Variants in NSUN6 observed in about 807,000 individuals in gnomAD.
The protein encoded by NSUN6 is NOP2/Sun RNA methyltransferase 6.
In NSUN6, 64 loss-of-function variants were observed where a neutral mutation model predicts 58.0. The observed-to-expected ratio is 1.10, with a 90% CI of 0.90 to 1.36. The LOEUF (loss-of-function observed/expected upper bound fraction) is 1.36. Ranked by LOEUF, NSUN6 falls within the 40% of genes most tolerant of loss-of-function variation. The pLI is 0.00. For synonymous variants in NSUN6, 231 were observed against 193.9 expected, an observed-to-expected ratio of 1.19 and a Z score of -1.59; for missense variants, 701 against 550.1, an observed-to-expected ratio of 1.27 and a Z score of -2.74.
intron 10 of NSUN6, among the ~76,000 whole-genome samples, chr10:18,546,696 G>C (rs1264867199): frequency 6.6e-6 from 1 of 152,014 alleles, no homozygotes; most frequent in Non-Finnish European, 1.5e-5. Flanking sequence ...TGGCCAACAA[G>C]GTGACACCCT....
At chr10:18,595,689 C>G (rs1404096381) in intron 7 of NSUN6, among the ~76,000 whole-genome samples, 1 of 152,118 alleles carries the variant, frequency 6.6e-6, no homozygotes, top group African/African-American at 2.4e-5. Flanking sequence ...ATCCTTTTCT[C>G]TTTTTTGATT....
intron 10 of NSUN6, among the ~76,000 whole-genome samples, chr10:18,547,326 A>G (rs2054335102): frequency 6.6e-6 from 1 of 152,202 alleles, no homozygotes; most frequent in African/African-American, 2.4e-5. Flanking sequence ...TTAGGTATAT[A>G]TTTTGAGTGT....
intron 3 of NSUN6, among the ~76,000 whole-genome samples, chr10:18,620,416 G>A (rs1200984597): frequency 6.6e-6 from 1 of 151,418 alleles, no homozygotes; most frequent in African/African-American, 2.4e-5. Flanking sequence ...TTAAGTCTAT[G>A]AAAAAAAAAT....
At chr10:18,631,769 G>A (rs1158211472) in intron 3 of NSUN6, among the ~76,000 whole-genome samples, 2 of 151,336 alleles carry the variant, frequency 1.3e-5, no homozygotes, top group Non-Finnish European at 1.5e-5. Context: ...ACAAACAAAT[G>A]GAAGAACATT....
chr10:18,634,489 C>G (rs1007431407), intron 3 of NSUN6, among the ~76,000 whole-genome samples: 4 of 151,946 alleles, frequency 2.6e-5, no homozygotes, highest in Non-Finnish European at 5.9e-5. Flanking sequence ...TGGTGGCTCA[C>G]GCCTATAATC....
chr10:18,634,439 A>G (rs903158782), intron 3 of NSUN6, among the ~76,000 whole-genome samples: 4 of 152,194 alleles, frequency 2.6e-5, no homozygotes, highest in African/African-American at 9.7e-5. Context: ...ACTTTGAAAC[A>G]GAGCCCATGA....
chr10:18,616,701 A>C (rs1201371638), intron 3 of NSUN6, among the ~76,000 whole-genome samples: 2 of 152,236 alleles, frequency 1.3e-5, no homozygotes, highest in Non-Finnish European at 2.9e-5. Flanking sequence ...AATTTAAACA[A>C]GACAGGAAAA....
intron 8 of NSUN6, among the ~76,000 whole-genome samples, chr10:18,559,065 AGAATG>A (rs1036824945): frequency 6.6e-6 from 1 of 150,992 alleles, no homozygotes; most frequent in African/African-American, 2.4e-5. Context: ...GATGGTATGG[AGAATG>A]GAATGGAATG....
chr10:18,605,608 T>C lies in NSUN6; in HGVS notation c.657+4237A>G, dbSNP rs543943193. Among the ~76,000 whole-genome samples, 3 of 152,336 alleles carry C rather than the reference T, an allele frequency of 2.0e-5. No individual in the cohort carries two copies. In the South Asian group the frequency reaches 6.2e-4, roughly 32 times the overall value. ...GGGGAGAAAACATAAATATATGTGT[T>C]GTGGTGAAATCAGTTGGCGTCTAGA... On this transcript the variant is annotated intron_variant, in intron 6 of 10. Coordinates refer to ENST00000377304, the MANE Select transcript of NSUN6 (RefSeq NM_182543.5).
At chr10:18,611,110 C>A (rs1248913350) in intron 5 of NSUN6, among the ~76,000 whole-genome samples, 5 of 152,024 alleles carry the variant, frequency 3.3e-5, no homozygotes, top group African/African-American at 1.2e-4. Context: ...ATGGAGGGAT[C>A]CCTTGAACCC....
In NSUN6 at chr10:18,548,189, T is replaced by C. The variant is rs2054397988; in HGVS notation, c.1120A>G (p.Thr374Ala). ...PEGVLVYSTC[T>A]ITLAENEEQV... is the part of the protein sequence containing the mutation. ...TCTTCATTTTCGGCCAGTGTTATAG[T>C]GCACGTGCTATAAACCAGCACACCC... is the stretch of plus-strand genomic sequence containing the variant. Residue 374 changes from threonine (T) to alanine (A), a missense_variant, in exon 10 of 11, where the codon ACT (threonine) becomes GCT (alanine). Physicochemically the swap from Thr to Ala is moderately conservative, Grantham distance 58. Transcript: ENST00000377304. The C allele has an allele frequency of 6.2e-7, 1 of 1,613,192 alleles. No individual in the cohort carries two copies. Among genetic ancestry groups the C allele is most frequent in the Admixed American group, 1.7e-5 (1 of 59,940 alleles).
chr10:18,605,579 T>TA (rs1370908470), intron 6 of NSUN6, among the ~76,000 whole-genome samples: 1 of 152,126 alleles, frequency 6.6e-6, no homozygotes, highest in Non-Finnish European at 1.5e-5. Context: ...TTATTAGTTA[T>TA]AAGGGGGAGA....
intron 2 of NSUN6, among the ~76,000 whole-genome samples, chr10:18,646,458 G>T (rs1185953589): frequency 1.3e-5 from 2 of 152,048 alleles, no homozygotes; most frequent in Non-Finnish European, 2.9e-5. Context: ...GGGACCCAAA[G>T]TCCAGAGTGA....
At chr10:18,639,491 T>C (rs2059328586) in intron 3 of NSUN6, among the ~76,000 whole-genome samples, 1 of 151,802 alleles carries the variant, frequency 6.6e-6, no homozygotes, top group Non-Finnish European at 1.5e-5. Context: ...TGAGACTCCG[T>C]CTCAAAAAAA....
chr10:18,634,716 C>T (rs2059154300), intron 3 of NSUN6, among the ~76,000 whole-genome samples: 1 of 152,044 alleles, frequency 6.6e-6, no homozygotes, highest in South Asian at 2.1e-4. Flanking sequence ...GAGCTCCTGC[C>T]ACTGCACTCC....
chr10:18,578,290 G>A lies in NSUN6; in HGVS notation c.922+7659C>T, dbSNP rs935847413. ...CTTGTGTCACCCAAGCTGGAGTGCCGTGGCACCATCTCGGCTCACTGCAAC... is the reference window on the plus strand; with the variant it reads ...CTTGTGTCACCCAAGCTGGAGTGCCATGGCACCATCTCGGCTCACTGCAAC... On this transcript the variant is annotated intron_variant, in intron 8 of 10. Transcript: ENST00000377304. Among the ~76,000 whole-genome samples the A allele has an allele frequency of 2.1e-5, 3 of 145,780 alleles. No homozygotes were observed. The East Asian group carries it at 6.1e-4, about 30-fold the overall frequency.
intron 5 of NSUN6, among the ~76,000 whole-genome samples, 154 bp downstream of exon 5, chr10:18,614,306 C>T (rs2058335503): frequency 6.6e-6 from 1 of 150,766 alleles, no homozygotes; most frequent in Non-Finnish European, 1.5e-5. Flanking sequence ...GACCAAACAT[C>T]ATGGAAATAT....
intron 7 of NSUN6, among the ~76,000 whole-genome samples, chr10:18,594,131 C>T (rs558452435): frequency 2.0e-5 from 3 of 148,824 alleles, no homozygotes; most frequent in South Asian, 2.1e-4. Flanking sequence ...ACCCGGGAGG[C>T]GGAGGTTGCA....
chr10:18,582,080 A>C (rs985859221), intron 8 of NSUN6, among the ~76,000 whole-genome samples: 10 of 152,260 alleles, frequency 6.6e-5, no homozygotes, highest in Admixed American at 3.3e-4. Flanking sequence ...CTAGGAGGTC[A>C]TATACCAGTT....
Sources: allele counts gnomAD v4.1 joint callset (sites outside exome capture counted in the v4.1 genomes callset), GRCh38; gene constraint gnomAD v4.1.1; transcripts MANE v1.5; gene names NCBI Gene and HGNC (gene_info 2026-07-23, HGNC 2026-07-21).